The following CHD1 variants were observed in gnomAD, a reference collection of about 807,000 sequenced individuals.
CHD1 encodes the protein chromodomain helicase DNA binding protein 1, also known as ATP-dependent chromatin remodeler CHD1.
A neutral mutation model predicts 224.2 loss-of-function variants in CHD1; 36 were observed. The ratio of observed to expected loss-of-function variants is 0.16; its 90% CI spans 0.12 to 0.21. CHD1 has a LOEUF of 0.21. CHD1 is among the 10% of genes least tolerant of loss of function. CHD1 has a pLI of 1.00. For synonymous variants in CHD1, 668 were observed against 658.3 expected (o/e 1.01, Z -0.23); for missense variants, 1,378 against 1,994.8 (o/e 0.69, Z 5.89).
rs772152139 is a variant in CHD1 at position 98,856,560 on chromosome 5, G to T, written c.4953C>A (p.His1651Gln). Residue 1651 changes from histidine (H) to glutamine (Q), a missense_variant, in exon 36 of 36, where the codon CAC becomes CAA. By Grantham distance (24) the His-to-Gln change is conservative. Transcript: ENST00000614616. ...ACCTATAATCCCTGGAAGATTTATG[G>T]TGCGTATATTCAGAACTTGACCGGT... ...SDHRSSSEYT[H>Q]HKSSRDYRYH... 4 of 1,613,782 alleles carry T rather than the reference G, an allele frequency of 2.5e-6. No individual in the cohort carries two copies. In the South Asian group the frequency reaches 4.4e-5, roughly 18 times the overall value.
At chr5:98,869,013 C>G in intron 30 of CHD1, 1 of 840,512 alleles carries the variant, frequency 1.2e-6, no homozygotes, top group Non-Finnish European at 1.4e-6. Flanking sequence ...GATTTGCATA[C>G]CTTTTCTTCC....
chr5:98,860,402 A>C, intron 32 of CHD1: 1 of 322,108 alleles, frequency 3.1e-6, no homozygotes, highest in South Asian at 2.6e-5. Flanking sequence ...GATCCTGATT[A>C]TGCATATAAG....
intron 12 of CHD1, among the ~76,000 whole-genome samples, 182 bp from the exon 13 acceptor site, chr5:98,894,868 G>A (rs1580452345): frequency 6.6e-6 from 1 of 151,548 alleles, no homozygotes; most frequent in South Asian, 2.1e-4. Context: ...GTTGTCCAGG[G>A]TGGAGTGCAA....
chr5:98,928,097 C>G (rs1753602974), intron 1 of CHD1, among the ~76,000 whole-genome samples: 1 of 152,168 alleles, frequency 6.6e-6, no homozygotes, highest in African/African-American at 2.4e-5. Flanking sequence ...GGGCCTCCAT[C>G]CCGGTCCAGG....
intron 2 of CHD1, among the ~76,000 whole-genome samples, chr5:98,911,146 A>AAAATATATAT (rs1491111295): frequency 1.5e-4 from 6 of 39,128 alleles, no homozygotes; most frequent in Non-Finnish European, 2.7e-4. Flanking sequence ...AAAAAAAAAA[A>AAAATATATAT]ATATATATAT....
rs113502266 is a variant in CHD1 at position 98,869,622 on chromosome 5, G to GCACACACA, written c.4107+124_4107+131dup. The stretch of plus-strand genomic sequence containing the variant: ...TATAAGTGCGTGCGCACGTGCGCGC[G>GCACACACA]CACACACACACACACACACACACAC... On this transcript the variant is annotated intron_variant, in intron 30 of 35. Transcript: ENST00000614616. The GCACACACA allele has an allele frequency of 1.1e-3, 771 of 718,016 alleles. 1 individual carries two copies. The highest frequency in any genetic ancestry group is 7.2e-3 in the African/African-American group (369 of 51,266). The allele number at this position is 718,016 out of a possible 1,614,324, so 44.5% of individuals were successfully genotyped here.
At chr5:98,909,455 T>C (rs960790097) in intron 2 of CHD1, among the ~76,000 whole-genome samples, 1 of 152,146 alleles carries the variant, frequency 6.6e-6, no homozygotes, top group Non-Finnish European at 1.5e-5. Flanking sequence ...AATCTGTGGA[T>C]TCAGGTACTG....
At chr5:98,870,876 A>T (rs1004987213) in intron 28 of CHD1, 73 bp from the exon 29 acceptor site, 2 of 847,020 alleles carry the variant, frequency 2.4e-6, no homozygotes, top group Admixed American at 4.4e-5. Flanking sequence ...AAAAATGCTT[A>T]ACCATTTAAA....
chr5:98,926,347 T>C lies in CHD1; in HGVS notation c.40A>G (p.Ser14Gly). 1 of 1,531,536 alleles carries C rather than the reference T, an allele frequency of 6.5e-7. No individual in the cohort carries two copies. The highest frequency in any genetic ancestry group is 8.8e-7 in the Non-Finnish European group (1 of 1,138,970). 94.9% of individuals were successfully genotyped at this position (1,531,536 alleles called of 1,614,324 possible). A position where few individuals can be genotyped will look rare whatever the true frequency, so the allele number is the denominator to read the frequency against. The change falls in exon 2 of 36, where the codon AGT (serine) becomes GGT (glycine). Residue 14 changes from serine (S) to glycine (G), a missense_variant. By Grantham distance (56) the Ser-to-Gly change is moderately conservative. Coordinates refer to ENST00000614616, the MANE Select transcript of CHD1 (RefSeq NM_001270.4). ...GTGCTTACTTACCTTGATTCTCCAC[T>C]ACTGTTTCTAACACTTTCTTCATCA... ...HSDEESVRNSSGESSQSDDDS... is the reference protein window; with the variant it reads ...HSDEESVRNSGGESSQSDDDS...
Position 98,904,998 on chromosome 5 carries a change from A to G in CHD1, c.154T>C (p.Ser52Pro), listed in dbSNP as rs1245593180. 1 of 1,563,292 alleles carries G rather than the reference A, an allele frequency of 6.4e-7. No homozygotes were observed. The highest frequency in any genetic ancestry group is 8.8e-7 in the Non-Finnish European group (1 of 1,133,624). ...GSSSQSGSSD[S>P]DSGSESGSQS... The stretch of plus-strand genomic sequence containing the variant: ...CTGCCTGATTCAGATCCGGAGTCAG[A>G]GTCACTGCTACCTGACTGGCTACTG... Residue 52 changes from serine (S) to proline (P), a missense_variant, in exon 3 of 36, where the codon TCT becomes CCT. Physicochemically the swap from Ser to Pro is moderately conservative, Grantham distance 74. This residue lies in a region of CHD1 where 306 missense variants were observed against 298.1 expected (regional missense o/e 1.03). Transcript: ENST00000614616.
chr5:98,920,757 A>G (rs1481627355), intron 2 of CHD1, among the ~76,000 whole-genome samples: 2 of 151,198 alleles, frequency 1.3e-5, no homozygotes, highest in Non-Finnish European at 2.9e-5. Context: ...AGATCGTGCC[A>G]TTGCACTCCA....
chr5:98,863,373 T>C (rs10069735), intron 32 of CHD1, 35 bp downstream of exon 32: 371,851 of 1,244,796 alleles, frequency 0.3, 56,839 homozygotes, highest in South Asian at 0.43. Flanking sequence ...TTATATAATA[T>C]AAATTTAACA....
chr5:98,865,914 G>A lies in CHD1; in HGVS notation c.4249-2328C>T, dbSNP rs529855799. ...CAGCAGGAATTTTTCCATTCCAGCAGTTACATGAAAAAGTCCGAAGATTAA... is the reference window on the plus strand; with the variant it reads ...CAGCAGGAATTTTTCCATTCCAGCAATTACATGAAAAAGTCCGAAGATTAA... On this transcript the variant is annotated intron_variant, in intron 31 of 35. Coordinates refer to ENST00000614616, the MANE Select transcript of CHD1 (RefSeq NM_001270.4). Among the ~76,000 whole-genome samples, 9 of 150,940 alleles carry A rather than the reference G, an allele frequency of 6.0e-5. No individual in the cohort carries two copies. The East Asian group carries it at 1.7e-3, about 29-fold the overall frequency.
At position 98,879,693 on chromosome 5, in the gene CHD1, A is replaced by G; in HGVS notation, c.3096T>C (p.Ile1032=). 6.2e-7 allele frequency: 1 copy of G among 1,605,874 alleles called. No individual in the cohort carries two copies. Among genetic ancestry groups the G allele is most frequent in the Non-Finnish European group, 8.5e-7 (1 of 1,178,120 alleles). The part of the protein sequence containing the change: ...ANFSNMDEDD[I]ELEPERNSKN... ...TTGAATTTCTTTCAGGTTCCAACTCAATGTCATCCTCATCCATATTTGAGA... is the reference window on the plus strand; with the variant it reads ...TTGAATTTCTTTCAGGTTCCAACTCGATGTCATCCTCATCCATATTTGAGA... The change falls in exon 23 of 36, where the codon ATT becomes ATC. Residue 1032 remains isoleucine, a synonymous_variant. Coordinates refer to ENST00000614616, the MANE Select transcript of CHD1 (RefSeq NM_001270.4).
intron 2 of CHD1, among the ~76,000 whole-genome samples, chr5:98,924,328 A>G (rs1161038961): frequency 1.3e-5 from 2 of 152,238 alleles, no homozygotes; most frequent in Non-Finnish European, 2.9e-5. Flanking sequence ...TCAGTAGTCA[A>G]CATACCTATA....
intron 24 of CHD1, among the ~76,000 whole-genome samples, chr5:98,875,886 T>C (rs146307394): frequency 6.6e-6 from 1 of 152,294 alleles, no homozygotes; most frequent in East Asian, 1.9e-4. Flanking sequence ...TGTGTATATA[T>C]AAACATATTC....
At position 98,883,254 on chromosome 5, in the gene CHD1, A is replaced by G; in HGVS notation, c.2569-17T>C. 1 of 1,541,098 alleles carries G rather than the reference A, an allele frequency of 6.5e-7. No individual in the cohort carries two copies. On this transcript the variant is annotated splice_polypyrimidine_tract_variant and intron_variant, in intron 18 of 35. Transcript: ENST00000614616. ...GCAAAAATCCTGTAAGAAATTGAATAATCAAAATGAAAAATTTTTCAATTG... is the reference window on the plus strand; with the variant it reads ...GCAAAAATCCTGTAAGAAATTGAATGATCAAAATGAAAAATTTTTCAATTG...
Position 98,899,533 on chromosome 5 carries a change from T to C in CHD1, c.1032A>G (p.Arg344=), listed in dbSNP as rs1345612178. The C allele has an allele frequency of 6.2e-7, 1 of 1,613,850 alleles. No individual in the cohort carries two copies. Among genetic ancestry groups the C allele is most frequent in the East Asian group, 2.2e-5 (1 of 44,858 alleles). ...TEETLKQQNV[R]GMKKLDNYKK... is the part of the protein sequence containing the mutation. ...TATAATTATCCAATTTTTTCATTCC[T>C]CTAACATTCTGCTGCTTGAGGGTTT... Residue 344 remains arginine, a synonymous_variant, in exon 8 of 36, where the codon AGA becomes AGG. Coordinates refer to ENST00000614616, the MANE Select transcript of CHD1 (RefSeq NM_001270.4).
At chr5:98,890,540 A>G (rs950977121) in intron 15 of CHD1, among the ~76,000 whole-genome samples, 1 of 152,206 alleles carries the variant, frequency 6.6e-6, no homozygotes, top group African/African-American at 2.4e-5. Flanking sequence ...GAAGAGTTTA[A>G]GTTCAACATC....
Sources: gnomAD v4.1 joint callset for allele counts (sites outside exome capture counted in the v4.1 genomes callset) on GRCh38, gnomAD v4.1.1 for gene constraint, gnomAD v4.1.1 regional missense constraint, MANE v1.5 for transcripts, NCBI Gene and HGNC (gene_info 2026-07-23, HGNC 2026-07-21) for gene names.